WDTC1: variants seen among roughly 807,000 people sequenced by gnomAD.
The protein encoded by WDTC1 is WD and tetratricopeptide repeats protein 1.
Under a neutral mutation model 76.0 loss-of-function variants are expected in WDTC1, and 12 were observed. The ratio of observed to expected loss-of-function variants is 0.16; its 90% CI spans 0.10 to 0.26. The LOEUF (loss-of-function observed/expected upper bound fraction) is 0.26, where lower values mean the gene tolerates loss of function less well. Among genes scored for constraint, WDTC1 ranks in the 10% least tolerant of loss-of-function variants. WDTC1 has a pLI of 1.00. For missense variants in WDTC1, 511 were observed against 908.8 expected, an observed-to-expected ratio of 0.56 and a Z score of 5.63; for synonymous variants, 326 against 350.8, an observed-to-expected ratio of 0.93 and a Z score of 0.79.
At chr1:27,287,283 G>A (rs568801625) in intron 5 of WDTC1, among the ~76,000 whole-genome samples, 1 of 152,344 alleles carries the variant, frequency 6.6e-6, no homozygotes, top group South Asian at 2.1e-4. Context: ...AATGAGGCAA[G>A]TAGGGCATGT....
intron 3 of WDTC1, among the ~76,000 whole-genome samples, chr1:27,278,087 C>T (rs566685622): frequency 6.6e-6 from 1 of 152,298 alleles, no homozygotes; most frequent in African/African-American, 2.4e-5. Flanking sequence ...AAATGATCAG[C>T]CCAACTCAGC....
chr1:27,304,987 T>C lies in WDTC1; in HGVS notation c.1644-14T>C. The stretch of plus-strand genomic sequence containing the variant: ...TACCCCACCTGACCTCCCTGCCCTT[T>C]GCCCCCCCGCCAGCAACGCTCAGTA... On this transcript the variant is annotated splice_polypyrimidine_tract_variant and intron_variant, in intron 14 of 15. Coordinates refer to ENST00000319394, the MANE Select transcript of WDTC1 (RefSeq NM_001276252.2). 1 of 1,607,012 alleles carries C rather than the reference T, an allele frequency of 6.2e-7. No homozygotes were observed. The highest frequency in any genetic ancestry group is 8.5e-7 in the Non-Finnish European group (1 of 1,175,110).
intron 1 of WDTC1, among the ~76,000 whole-genome samples, chr1:27,244,373 C>T (rs930329769): frequency 3.3e-5 from 5 of 152,084 alleles, no homozygotes; most frequent in African/African-American, 4.8e-5. Context: ...CTTTGTCACA[C>T]GGGCTGGAGT....
intron 1 of WDTC1, among the ~76,000 whole-genome samples, chr1:27,248,961 A>AT (rs1428468050): frequency 2.6e-5 from 4 of 152,010 alleles, no homozygotes; most frequent in African/African-American, 9.7e-5. Flanking sequence ...CCAGCCTTAA[A>AT]TTTTTTAAAA....
Position 27,301,173 on chromosome 1 carries a change from C to A in WDTC1, c.1233-53C>A. The A allele has an allele frequency of 6.4e-7, 1 of 1,554,740 alleles. No individual in the cohort carries two copies. Among genetic ancestry groups the A allele is most frequent in the Non-Finnish European group, 8.8e-7 (1 of 1,134,224 alleles). On this transcript the variant is annotated intron_variant, in intron 12 of 15. Coordinates refer to ENST00000319394, the MANE Select transcript of WDTC1 (RefSeq NM_001276252.2). The surrounding 1 kb of genome is among the most constrained non-coding windows in gnomAD (Gnocchi z 5.8). ...GAAGCAGAGGAGACTGAATGGGGAC[C>A]CCTTGCTTGCCACGTGGCTCCACCT...
At chr1:27,248,104 AACAT>A (rs1269030988) in intron 1 of WDTC1, among the ~76,000 whole-genome samples, 4 of 152,234 alleles carry the variant, frequency 2.6e-5, no homozygotes, top group Non-Finnish European at 5.9e-5. Context: ...TGCCACAATT[AACAT>A]ACTGCACAGT....
rs1018610017 is a variant in WDTC1, at chr1:27,306,972, C to T, written c.*589C>T. On this transcript the variant is annotated 3_prime_UTR_variant, in exon 16 of 16. Transcript: ENST00000319394. This position sits in a 1 kb window ranked among gnomAD's most constrained non-coding sequence, Gnocchi z 5.0. Reference sequence around the variant, plus strand: ...GCAAGACCAGGCCACCTGCTGAGGTCGCTGTGGAGCACCCTCGCTCCTCTC... The same window carrying T: ...GCAAGACCAGGCCACCTGCTGAGGTTGCTGTGGAGCACCCTCGCTCCTCTC... 1.3e-5 allele frequency: 2 copies of T among 156,298 alleles called. No individual in the cohort carries two copies. Among genetic ancestry groups the T allele is most frequent in the Admixed American group, 6.2e-5 (1 of 16,134 alleles). 9.7% of individuals were successfully genotyped at this position (156,298 alleles called of 1,614,324 possible).
chr1:27,243,263 G>A (rs1173344551), intron 1 of WDTC1, among the ~76,000 whole-genome samples: 1 of 130,830 alleles, frequency 7.6e-6, no homozygotes, highest in Non-Finnish European at 1.5e-5. Context: ...CTGAAGTGCA[G>A]TGGCATGATC....
chr1:27,240,547 C>T (rs1356849946), intron 1 of WDTC1, among the ~76,000 whole-genome samples: 1 of 152,160 alleles, frequency 6.6e-6, no homozygotes, highest in Non-Finnish European at 1.5e-5. Flanking sequence ...AGGAATACCA[C>T]TTAGTTGGCT....
chr1:27,277,557 A>G (rs1161278211), intron 3 of WDTC1, among the ~76,000 whole-genome samples: 1 of 152,068 alleles, frequency 6.6e-6, no homozygotes, highest in Non-Finnish European at 1.5e-5. Flanking sequence ...TTAGTCTCCC[A>G]AATAGCTGGG....
intron 3 of WDTC1, among the ~76,000 whole-genome samples, chr1:27,265,727 C>T (rs1570955466): frequency 6.6e-6 from 1 of 152,018 alleles, no homozygotes; most frequent in East Asian, 1.9e-4. Flanking sequence ...AGGGGGATCA[C>T]CTGAGGTCAG....
At chr1:27,234,470 T>G, upstream of WDTC1, 46 of 258,144 alleles carry the variant, frequency 1.8e-4, no homozygotes, top group East Asian at 4.0e-4. Context: ...CACTAGCAGG[T>G]TAGTGGGCGC....
rs1333949840 is a variant in WDTC1, at chr1:27,294,409, A to T, written c.758-105A>T. ...GGGCTCAACACTTGTAGCTGCTTTTATGCTAAAGTTGATTGGTATAATTTT... is the reference window on the plus strand; with the variant it reads ...GGGCTCAACACTTGTAGCTGCTTTTTTGCTAAAGTTGATTGGTATAATTTT... On this transcript the variant is annotated intron_variant, in intron 8 of 15. Transcript: ENST00000319394. The T allele has an allele frequency of 6.8e-6, 7 of 1,032,352 alleles. No homozygotes were observed. The African/African-American group carries it at 9.4e-5, about 14-fold the overall frequency. The allele number at this position is 1,032,352 out of a possible 1,614,324, so 63.9% of individuals were successfully genotyped here.
At chr1:27,292,150 C>A in intron 6 of WDTC1, 65 bp from the exon 7 acceptor site, 1 of 1,409,482 alleles carries the variant, frequency 7.1e-7, no homozygotes, top group South Asian at 1.6e-5. Context: ...AAGAACTTAT[C>A]TTTTCCCCTG....
chr1:27,273,820 C>CGTGT (rs138243935), intron 3 of WDTC1, among the ~76,000 whole-genome samples: 7,236 of 148,096 alleles, frequency 0.049, 249 homozygotes, highest in African/African-American at 0.094. Context: ...GTACTTTACA[C>CGTGT]GTGTGTGTGT....
chr1:27,278,216 A>C (rs984802415), intron 3 of WDTC1, among the ~76,000 whole-genome samples: 1 of 152,162 alleles, frequency 6.6e-6, no homozygotes, highest in African/African-American at 2.4e-5. Flanking sequence ...CAGCATACTC[A>C]CTTATGTATT....
At chr1:27,283,268 G>A (rs764625110) in intron 4 of WDTC1, 70 bp from the exon 5 acceptor site, 4 of 1,407,872 alleles carry the variant, frequency 2.8e-6, no homozygotes, top group Non-Finnish European at 4.0e-6. Context: ...CTTGTAAACT[G>A]AGAACATGGG....
In WDTC1 at chr1:27,303,897, C is replaced by T. The variant is rs891059641; in HGVS notation, c.1643+102C>T. The T allele has an allele frequency of 6.0e-6, 9 of 1,493,870 alleles. No homozygotes were observed. Among genetic ancestry groups the T allele is most frequent in the South Asian group, 6.0e-5 (5 of 83,060 alleles). The allele number at this position is 1,493,870 out of a possible 1,614,324, so 92.5% of individuals were successfully genotyped here. ...TTCAGAGAAGAATCTCAAATCCCTG[C>T]TCTGCCTCTGTACCCTTGGGCAAAT... On this transcript the variant is annotated intron_variant, in intron 14 of 15. Coordinates refer to ENST00000319394, the MANE Select transcript of WDTC1 (RefSeq NM_001276252.2). This position sits in a 1 kb window ranked among gnomAD's most constrained non-coding sequence, Gnocchi z 4.8.
chr1:27,278,932 G>A (rs976636875), intron 3 of WDTC1, among the ~76,000 whole-genome samples: 1 of 152,048 alleles, frequency 6.6e-6, no homozygotes, highest in Non-Finnish European at 1.5e-5. Context: ...GTGCAGTGAT[G>A]TGTGCTTCGA....
Sources: allele counts gnomAD v4.1 joint callset (sites outside exome capture counted in the v4.1 genomes callset), GRCh38; gene constraint gnomAD v4.1.1; non-coding constraint Gnocchi (gnomAD v3.1); transcripts MANE v1.5; gene names NCBI Gene and HGNC (gene_info 2026-07-23, HGNC 2026-07-21).